Variants in GLIS1 observed in about 807,000 individuals in gnomAD.
The protein encoded by GLIS1 is zinc finger protein GLIS1.
A neutral mutation model predicts 63.8 loss-of-function variants in GLIS1; 24 were observed. The ratio of observed to expected loss-of-function variants is 0.38; its 90% CI spans 0.27 to 0.53. The LOEUF (loss-of-function observed/expected upper bound fraction) is 0.53, where lower values mean the gene tolerates loss of function less well. GLIS1 is among the 20% of genes least tolerant of loss of function. The pLI is 0.85. For synonymous variants in GLIS1, 450 were observed against 482.5 expected, an observed-to-expected ratio of 0.93 and a Z score of 0.88; for missense variants, 1,036 against 1,074.1, an observed-to-expected ratio of 0.96 and a Z score of 0.50.
intron 2 of GLIS1, among the ~76,000 whole-genome samples, chr1:53,606,088 C>T (rs1348137083): frequency 6.6e-6 from 1 of 152,198 alleles, no homozygotes; most frequent in African/African-American, 2.4e-5. Context: ...GGATAAGAAT[C>T]CCAGCTCCAG....
At chr1:53,699,578 A>C (rs1418635266) in intron 2 of GLIS1, among the ~76,000 whole-genome samples, 1 of 152,166 alleles carries the variant, frequency 6.6e-6, no homozygotes, top group Non-Finnish European at 1.5e-5. Flanking sequence ...TGGCACTCAA[A>C]AGTTTTGGAT....
chr1:53,562,279 A>C (rs1484581732), intron 4 of GLIS1, among the ~76,000 whole-genome samples: 1 of 152,150 alleles, frequency 6.6e-6, no homozygotes, highest in African/African-American at 2.4e-5. Flanking sequence ...TCATGGAGAA[A>C]GGTAAGAGTC....
intron 2 of GLIS1, among the ~76,000 whole-genome samples, chr1:53,612,446 T>C (rs1445841755): frequency 6.6e-6 from 1 of 152,058 alleles, no homozygotes; most frequent in Non-Finnish European, 1.5e-5. Context: ...TTCACTGTGT[T>C]AGCCAGAATA....
intron 2 of GLIS1, among the ~76,000 whole-genome samples, chr1:53,666,272 A>G (rs887026494): frequency 6.6e-6 from 1 of 152,160 alleles, no homozygotes; most frequent in African/African-American, 2.4e-5. Context: ...ATCTTTTCTC[A>G]ATCAGATGCA....
chr1:53,729,351 A>G (rs1646836315), intron 2 of GLIS1, among the ~76,000 whole-genome samples: 1 of 152,166 alleles, frequency 6.6e-6, no homozygotes, highest in African/African-American at 2.4e-5. Flanking sequence ...AGATATTCTC[A>G]CAAAGAGCGC....
At chr1:53,582,226 C>A (rs758585836) in intron 4 of GLIS1, among the ~76,000 whole-genome samples, 6 of 152,190 alleles carry the variant, frequency 3.9e-5, no homozygotes, top group Non-Finnish European at 8.8e-5. Flanking sequence ...CAGAGCCAGG[C>A]AGTGGAAGCA....
intron 2 of GLIS1, among the ~76,000 whole-genome samples, chr1:53,704,552 A>C (rs1646557160): frequency 2.0e-5 from 3 of 150,472 alleles, no homozygotes; most frequent in Admixed American, 2.0e-4. Flanking sequence ...AGGAAGTGGG[A>C]GGGAGGGGAA....
rs1644331855 is a variant in GLIS1 at position 53,514,677 on chromosome 1, T to A, written c.1831A>T (p.Ser611Cys). ...SRHHPLDATT[S>C]SHHHLSPLPM... ...AGAGGGGACAGATGGTGGTGGGAAC[T>A]GGTGGTGGCATCCAGCGGGTGGTGC... The change falls in exon 8 of 11, where the codon AGT becomes TGT. Residue 611 changes from serine (S) to cysteine (C), a missense_variant. Transcript: ENST00000628545. The A allele has an allele frequency of 6.2e-7, 1 of 1,613,352 alleles. No homozygotes were observed. The highest frequency in any genetic ancestry group is 1.7e-5 in the Admixed American group (1 of 59,942).
chr1:53,630,840 G>T (rs1047460864), intron 2 of GLIS1, among the ~76,000 whole-genome samples: 1 of 152,320 alleles, frequency 6.6e-6, no homozygotes, highest in Middle Eastern at 3.4e-3. Flanking sequence ...AGAGCAATAG[G>T]ATTTCCTTTC....
At chr1:53,677,069 G>A (rs1054836912) in intron 2 of GLIS1, among the ~76,000 whole-genome samples, 2 of 152,174 alleles carry the variant, frequency 1.3e-5, no homozygotes, top group African/African-American at 4.8e-5. Flanking sequence ...TACCGCACAA[G>A]CCCAAGCTCT....
chr1:53,532,574 A>G lies in GLIS1; in HGVS notation c.1321-2622T>C, dbSNP rs537009256. Among the ~76,000 whole-genome samples, 19 of 152,352 alleles carry G rather than the reference A, an allele frequency of 1.2e-4. No homozygotes were observed. In the South Asian group the frequency reaches 3.9e-3, roughly 32 times the overall value. On this transcript the variant is annotated intron_variant, in intron 4 of 10. Coordinates refer to ENST00000628545, the MANE Select transcript of GLIS1 (RefSeq NM_001367484.1). ...CTGTTTGGGCAGTAAATAGGCTGCAAGCCACCTCCCTTGCTCGCCTGCAAT... is the reference window on the plus strand; with the variant it reads ...CTGTTTGGGCAGTAAATAGGCTGCAGGCCACCTCCCTTGCTCGCCTGCAAT...
chr1:53,532,159 G>A (rs1428562421), intron 4 of GLIS1, among the ~76,000 whole-genome samples: 2 of 152,164 alleles, frequency 1.3e-5, no homozygotes, highest in African/African-American at 4.8e-5. Flanking sequence ...CCTAAAGAAG[G>A]GAAAGGACAG....
At chr1:53,621,595 AC>A (rs1310062123) in intron 2 of GLIS1, among the ~76,000 whole-genome samples, 4 of 152,196 alleles carry the variant, frequency 2.6e-5, no homozygotes, top group Non-Finnish European at 4.4e-5. Flanking sequence ...GTTACCCAAA[AC>A]TTGTTTATTT....
At chr1:53,582,515 G>A (rs1645095659) in intron 4 of GLIS1, among the ~76,000 whole-genome samples, 1 of 152,118 alleles carries the variant, frequency 6.6e-6, no homozygotes, top group African/African-American at 2.4e-5. Context: ...GGGTCTCAAG[G>A]CCCCATCTGT....
intron 5 of GLIS1, among the ~76,000 whole-genome samples, chr1:53,527,244 G>A (rs1237702561): frequency 6.6e-6 from 1 of 152,232 alleles, no homozygotes; most frequent in Non-Finnish European, 1.5e-5. Flanking sequence ...AGGGGAGAGA[G>A]AATCATCCCA....
chr1:53,626,846 T>C (rs1335893229), intron 2 of GLIS1, among the ~76,000 whole-genome samples: 1 of 152,256 alleles, frequency 6.6e-6, no homozygotes. Flanking sequence ...GACATGCCCC[T>C]GCATCCTGCA....
intron 10 of GLIS1, among the ~76,000 whole-genome samples, chr1:53,507,706 G>A (rs1020982466): frequency 6.6e-6 from 1 of 152,220 alleles, no homozygotes; most frequent in Non-Finnish European, 1.5e-5. Context: ...AGCTGAGCGG[G>A]CCTGGAGTGG....
At chr1:53,593,832 G>A (rs923216415) in intron 4 of GLIS1, among the ~76,000 whole-genome samples, 6 of 152,226 alleles carry the variant, frequency 3.9e-5, no homozygotes, top group Non-Finnish European at 7.3e-5. Flanking sequence ...ACACAGCCCC[G>A]GGCCCTGTGG....
intron 2 of GLIS1, among the ~76,000 whole-genome samples, chr1:53,624,921 A>T (rs777854033): frequency 2.0e-5 from 3 of 152,216 alleles, no homozygotes; most frequent in Non-Finnish European, 4.4e-5. Flanking sequence ...CAGAAGACAC[A>T]CACATGAGAA....
Sources: allele counts gnomAD v4.1 joint callset (sites outside exome capture counted in the v4.1 genomes callset), GRCh38; gene constraint gnomAD v4.1.1; transcripts MANE v1.5; gene names NCBI Gene and HGNC (gene_info 2026-07-23, HGNC 2026-07-21).